TRIP11: variants seen among roughly 807,000 people sequenced by gnomAD.
The protein encoded by TRIP11 is thyroid hormone receptor interactor 11.
A neutral mutation model predicts 223.1 loss-of-function variants in TRIP11; 148 were observed. That is an observed-to-expected ratio of 0.66 (90% confidence interval 0.58 to 0.76). The LOEUF is 0.76. Ranked by LOEUF, TRIP11 falls within the 30% of genes least tolerant of loss-of-function variation. The pLI, the probability that TRIP11 is intolerant of heterozygous loss-of-function variation, is 0.00. For synonymous variants in TRIP11, 762 were observed against 772.6 expected (o/e 0.99, Z 0.23); for missense variants, 2,043 against 2,222.0 (o/e 0.92, Z 1.62).
intron 15 of TRIP11, among the ~76,000 whole-genome samples, chr14:91,989,638 C>T (rs2056648357): frequency 6.6e-6 from 1 of 151,564 alleles, no homozygotes; most frequent in South Asian, 2.1e-4. Flanking sequence ...AGTGTGATAG[C>T]CTTTTTACTG....
Position 92,021,667 on chromosome 14 carries a change from G to A in TRIP11, c.477C>T (p.Asp159=), listed in dbSNP as rs147932068. The part of the protein sequence containing the change: ...GISHHPSAFH[D]DDMDFGDIIS... ...TTATATCACCAAAGTCCATGTCATC[G>A]TCATGGAAAGCTGAAGGATGATGAC... The change falls in exon 4 of 21, where the codon GAC becomes GAT. Residue 159 remains aspartate (D), a synonymous_variant. Transcript: ENST00000267622. 130 of 1,614,036 alleles carry A rather than the reference G, an allele frequency of 8.1e-5. 1 individual carries two copies. In the East Asian group the frequency reaches 2.3e-3, roughly 28 times the overall value.
chr14:92,035,915 T>G (rs946634955), intron 1 of TRIP11, among the ~76,000 whole-genome samples: 5 of 152,232 alleles, frequency 3.3e-5, no homozygotes, highest in African/African-American at 1.2e-4. Context: ...TTTAAGCACG[T>G]TTATGAATTT....
chr14:92,006,842 A>G (rs910301451), intron 10 of TRIP11, among the ~76,000 whole-genome samples: 1 of 149,682 alleles, frequency 6.7e-6, no homozygotes, highest in Non-Finnish European at 1.5e-5. Flanking sequence ...CTAATTTTGT[A>G]TTTTTAGTAG....
intron 16 of TRIP11, among the ~76,000 whole-genome samples, chr14:91,985,287 T>C (rs2056592051): frequency 6.6e-6 from 1 of 152,212 alleles, no homozygotes; most frequent in Non-Finnish European, 1.5e-5. Context: ...GTATCTCATA[T>C]AGCACCTAAT....
At position 92,000,126 on chromosome 14, in the gene TRIP11, T is replaced by G. The variant is rs201561387; in HGVS notation, c.4558-18A>C. On this transcript the variant is annotated intron_variant, in intron 11 of 20. Transcript: ENST00000267622. Reference sequence around the variant, plus strand: ...GTCTTGCCCTTTTGGAAAGAAAAAATTTTAGCTTTAAAAAACACACACACA... The same window carrying G: ...GTCTTGCCCTTTTGGAAAGAAAAAAGTTTAGCTTTAAAAAACACACACACA... The G allele has an allele frequency of 2.8e-4, 454 of 1,613,328 alleles. No individual in the cohort carries two copies. Among genetic ancestry groups the G allele is most frequent in the Non-Finnish European group, 3.7e-4 (432 of 1,179,852 alleles).
At chr14:92,021,520 C>G in intron 4 of TRIP11, 36 bp downstream of exon 4, 8 of 1,610,316 alleles carry the variant, frequency 5.0e-6, no homozygotes, top group Non-Finnish European at 6.8e-6. Context: ...TAATTTTACT[C>G]AAAGTTTTCA....
chr14:92,021,122 G>A (rs943658308), intron 4 of TRIP11, among the ~76,000 whole-genome samples: 5 of 150,110 alleles, frequency 3.3e-5, no homozygotes, highest in Admixed American at 6.6e-5. Context: ...GCCAGGCGCA[G>A]TGGCTCACAC....
Position 92,021,808 on chromosome 14 carries a change from G to C in TRIP11, c.336C>G (p.Ala112=), listed in dbSNP as rs760126129. Residue 112 remains alanine, a synonymous_variant, in exon 4 of 21, where the codon GCC becomes GCG. Transcript: ENST00000267622. The part of the protein sequence containing the change: ...QKEVEISHLK[A]RQIALQDQLL... ...ACTGATCCTGGAGTGCAATCTGTCT[G>C]GCTTTAAGATGGCTGATTTCTACCT... The C allele has an allele frequency of 1.9e-6, 3 of 1,614,024 alleles. No homozygotes were observed. The highest frequency in any genetic ancestry group is 2.5e-6 in the Non-Finnish European group (3 of 1,180,028).
intron 7 of TRIP11, 36 bp from the exon 8 acceptor site, chr14:92,011,831 A>G: frequency 6.3e-7 from 1 of 1,591,992 alleles, no homozygotes; most frequent in Non-Finnish European, 8.6e-7. Context: ...CATTAAAATT[A>G]TTTAGAGTAA....
At chr14:92,034,241 G>A (rs2057299354) in intron 1 of TRIP11, among the ~76,000 whole-genome samples, 1 of 152,128 alleles carries the variant, frequency 6.6e-6, no homozygotes, top group African/African-American at 2.4e-5. Flanking sequence ...CTGGCCAACA[G>A]GTAAAACCTC....
chr14:92,024,245 G>C (rs537557883), intron 3 of TRIP11, among the ~76,000 whole-genome samples: 30 of 151,928 alleles, frequency 2.0e-4, no homozygotes, highest in Non-Finnish European at 3.8e-4. Context: ...AGGCGTGGTA[G>C]TGCATGCCTG....
In TRIP11 at chr14:91,966,679, T is replaced by TA. The variant is rs1251590674; in HGVS notation, c.*2993_*2994insT. On this transcript the variant is annotated 3_prime_UTR_variant, in exon 21 of 21. Coordinates refer to ENST00000267622, the MANE Select transcript of TRIP11 (RefSeq NM_004239.4). Reference sequence around the variant, plus strand: ...CATTCTTTTCCTAGGGTTTTGTTGTTTAGTTTTGTTTCATTTTTTAAAAAT... The same window carrying TA: ...CATTCTTTTCCTAGGGTTTTGTTGTTATAGTTTTGTTTCATTTTTTAAAAAT... The TA allele has an allele frequency of 1.5e-4, 32 of 215,392 alleles. No individual in the cohort carries two copies. Among genetic ancestry groups the TA allele is most frequent in the Admixed American group, 5.8e-4 (10 of 17,178 alleles). The allele number at this position is 215,392 out of a possible 1,614,324, so 13.3% of individuals were successfully genotyped here. A position where few individuals can be genotyped will look rare whatever the true frequency, so the allele number is the denominator to read the frequency against.
In TRIP11 at chr14:92,010,983, C is replaced by T. The variant is rs1267300857; in HGVS notation, c.1314+3G>A. ...ATTCTGCCCCCATTTTTACAGCACC[C>T]ACCTTTTCTTGACTCAGTAATGACT... On this transcript the variant is annotated splice_donor_region_variant and intron_variant, in intron 9 of 20. Transcript: ENST00000267622. 3.1e-6 allele frequency: 5 copies of T among 1,613,804 alleles called. No individual in the cohort carries two copies. The highest frequency in any genetic ancestry group is 3.3e-4 in the Middle Eastern group (2 of 6,062).
At position 91,969,646 on chromosome 14, in the gene TRIP11, C is replaced by T; in HGVS notation, c.*27G>A. The stretch of plus-strand genomic sequence containing the variant: ...TAGTGTTCATGGTTTCTTTAAAGTG[C>T]TAGATTGTCTCTGGCTTGAGAATCA... On this transcript the variant is annotated 3_prime_UTR_variant, in exon 21 of 21. Coordinates refer to ENST00000267622, the MANE Select transcript of TRIP11 (RefSeq NM_004239.4). 1 of 1,607,476 alleles carries T rather than the reference C, an allele frequency of 6.2e-7. No individual in the cohort carries two copies.
Position 91,999,229 on chromosome 14 carries a change from GA to G in TRIP11, c.4892+10del, listed in dbSNP as rs794727098. 92 of 1,611,392 alleles carry G rather than the reference GA, an allele frequency of 5.7e-5. No individual in the cohort carries two copies. The highest frequency in any genetic ancestry group is 7.2e-5 in the Non-Finnish European group (85 of 1,179,664). ...TCAGTTAAAGTTAATGCAAAAAAATGAAAAAATTACCTTGCATTTTCCATTG... is the reference window on the plus strand; with the variant it reads ...TCAGTTAAAGTTAATGCAAAAAAATGAAAAATTACCTTGCATTTTCCATTG... On this transcript the variant is annotated intron_variant, in intron 13 of 20. Coordinates refer to ENST00000267622, the MANE Select transcript of TRIP11 (RefSeq NM_004239.4).
At chr14:91,979,339 G>T (rs935626239) in intron 16 of TRIP11, among the ~76,000 whole-genome samples, 8 of 151,254 alleles carry the variant, frequency 5.3e-5, no homozygotes, top group African/African-American at 1.5e-4. Context: ...GCAGAGCTGA[G>T]CCTGATAAAA....
In TRIP11 at chr14:92,039,911, G is replaced by A. The variant is rs1247579838; in HGVS notation, c.-226C>T. The A allele has an allele frequency of 1.7e-5, 13 of 780,788 alleles. No individual in the cohort carries two copies. Among genetic ancestry groups the A allele is most frequent in the Non-Finnish European group, 2.4e-5 (12 of 501,190 alleles). The allele number at this position is 780,788 out of a possible 1,614,324, so 48.4% of individuals were successfully genotyped here. A position where few individuals can be genotyped will look rare whatever the true frequency, so the allele number is the denominator to read the frequency against. ...GCCTCTAGTGACACAGTCACCTACG[G>A]AGGGCCTTCTGCTCATTCCCACGAA... On this transcript the variant is annotated 5_prime_UTR_variant, in exon 1 of 21. Coordinates refer to ENST00000267622, the MANE Select transcript of TRIP11 (RefSeq NM_004239.4).
At chr14:91,985,428 G>C (rs2056594005) in intron 16 of TRIP11, among the ~76,000 whole-genome samples, 1 of 152,058 alleles carries the variant, frequency 6.6e-6, no homozygotes, top group African/African-American at 2.4e-5. Context: ...CTTAAGAAAT[G>C]ACTGAAATTA....
At chr14:91,990,770 A>G (rs1470852950) in intron 15 of TRIP11, among the ~76,000 whole-genome samples, 1 of 152,228 alleles carries the variant, frequency 6.6e-6, no homozygotes, top group Non-Finnish European at 1.5e-5. Context: ...TGAGCCCAGG[A>G]GTTTGAGACC....
Sources: allele counts gnomAD v4.1 joint callset (sites outside exome capture counted in the v4.1 genomes callset), GRCh38; gene constraint gnomAD v4.1.1; transcripts MANE v1.5; gene names NCBI Gene and HGNC (gene_info 2026-07-23, HGNC 2026-07-21).